The following GAK variants were observed in gnomAD, a reference collection of about 807,000 sequenced individuals.
The protein encoded by GAK is cyclin G associated kinase.
In GAK, 79 loss-of-function variants were observed where a neutral mutation model predicts 143.9. That is an observed-to-expected ratio of 0.55 (90% CI 0.46 to 0.66). The LOEUF (loss-of-function observed/expected upper bound fraction) is 0.66, where lower values mean the gene tolerates loss of function less well. GAK is among the 30% of genes least tolerant of loss of function. GAK has a pLI of 0.00. For synonymous variants in GAK, 881 were observed against 765.5 expected, an observed-to-expected ratio of 1.15 and a Z score of -2.49; for missense variants, 1,693 against 1,779.7, an observed-to-expected ratio of 0.95 and a Z score of 0.88.
In GAK at chr4:884,392, G is replaced by A; in HGVS notation, c.1206-306C>T. 1.7e-5 allele frequency: 6 copies of A among 359,914 alleles called. No homozygotes were observed. The South Asian group carries it at 1.9e-4, about 11-fold the overall frequency. 22.3% of individuals were successfully genotyped at this position (359,914 alleles called of 1,614,324 possible). On this transcript the variant is annotated intron_variant, in intron 11 of 27. Coordinates refer to ENST00000314167, the MANE Select transcript of GAK (RefSeq NM_005255.4). ...CCCCTGCGCTCTCCAGGGAGGCACG[G>A]CCCAGGAGTGGGCTGGGAGAGGGAT...
At chr4:852,220 G>C (rs1748293856) in intron 24 of GAK, 2 of 578,308 alleles carry the variant, frequency 3.5e-6, no homozygotes, top group African/African-American at 1.9e-5. Context: ...GGACAGGGCA[G>C]CTGTGGAGGC....
intron 11 of GAK, among the ~76,000 whole-genome samples, chr4:885,375 A>G (rs927990313): frequency 5.3e-5 from 8 of 152,228 alleles, no homozygotes; most frequent in Non-Finnish European, 1.0e-4. Flanking sequence ...TGGGAGTTTG[A>G]GACCAGCCTG....
In GAK at chr4:850,922, G is replaced by GCCCA. The variant is rs1748029057; in HGVS notation, c.3657+10_3657+13dup. On this transcript the variant is annotated intron_variant, in intron 26 of 27. Coordinates refer to ENST00000314167, the MANE Select transcript of GAK (RefSeq NM_005255.4). ...GGCCTCTGGGCTCCCAGGAAGAGCT[G>GCCCA]CCCACCCACCCACCTTCAGCTTGAG... 6.2e-7 allele frequency: 1 copy of GCCCA among 1,608,720 alleles called. No homozygotes were observed. Among genetic ancestry groups the GCCCA allele is most frequent in the South Asian group, 1.1e-5 (1 of 90,838 alleles).
At chr4:926,684 G>C (rs571193726) in intron 1 of GAK, among the ~76,000 whole-genome samples, 2 of 152,298 alleles carry the variant, frequency 1.3e-5, no homozygotes, top group African/African-American at 4.8e-5. Context: ...TGATGATCAA[G>C]CTGTCAACTT....
intron 24 of GAK, among the ~76,000 whole-genome samples, chr4:857,346 A>C (rs917056148): frequency 6.6e-6 from 1 of 152,170 alleles, no homozygotes; most frequent in Non-Finnish European, 1.5e-5. Context: ...ATCAATTAGA[A>C]AGTGCTCCGT....
chr4:849,581 CT>C lies in GAK; in HGVS notation c.*91del. ...CGGAGCCCCACCCTGGCCACACCTG[CT>C]GTCGCCCACGGGGTCCTCACGGTGG... On this transcript the variant is annotated 3_prime_UTR_variant, in exon 28 of 28. Coordinates refer to ENST00000314167, the MANE Select transcript of GAK (RefSeq NM_005255.4). 2 of 973,196 alleles carry C rather than the reference CT, an allele frequency of 2.1e-6. No homozygotes were observed. The highest frequency in any genetic ancestry group is 1.6e-6 in the Non-Finnish European group (1 of 625,100). 60.3% of individuals were successfully genotyped at this position (973,196 alleles called of 1,614,324 possible).
rs748695562 is a variant in GAK at position 851,455 on chromosome 4, C to T, written c.3508+295G>A. On this transcript the variant is annotated intron_variant, in intron 25 of 27. Coordinates refer to ENST00000314167, the MANE Select transcript of GAK (RefSeq NM_005255.4). ...CAATTCCACCTGCTGCCCCCGGGAACAGGGCTACCATCCTGATGCCTCCAG... is the reference window on the plus strand; with the variant it reads ...CAATTCCACCTGCTGCCCCCGGGAATAGGGCTACCATCCTGATGCCTCCAG... 6.1e-4 allele frequency: 324 copies of T among 529,348 alleles called. 2 individuals carry two copies. The highest frequency in any genetic ancestry group is 8.6e-4 in the Non-Finnish European group (257 of 297,140). The allele number at this position is 529,348 out of a possible 1,614,324, so 32.8% of individuals were successfully genotyped here.
At chr4:856,680 C>G (rs1325898910) in intron 24 of GAK, among the ~76,000 whole-genome samples, 2 of 150,544 alleles carry the variant, frequency 1.3e-5, no homozygotes, top group Non-Finnish European at 3.0e-5. Context: ...GCTGCTCACA[C>G]CTGCTCACCA....
intron 4 of GAK, among the ~76,000 whole-genome samples, chr4:909,066 C>T (rs1387285920): frequency 6.6e-6 from 1 of 152,180 alleles, no homozygotes; most frequent in African/African-American, 2.4e-5. Flanking sequence ...AGGCTAGTCT[C>T]GAACTCCTCA....
intron 4 of GAK, among the ~76,000 whole-genome samples, chr4:908,949 C>G (rs914072589): frequency 3.9e-5 from 6 of 152,206 alleles, no homozygotes; most frequent in Non-Finnish European, 8.8e-5. Context: ...AAGCAACTCT[C>G]CTGCCTCAGC....
At chr4:866,750 T>C (rs1449719143) in intron 21 of GAK, among the ~76,000 whole-genome samples, 1 of 152,116 alleles carries the variant, frequency 6.6e-6, no homozygotes, top group Non-Finnish European at 1.5e-5. Flanking sequence ...ACTGCTGAGA[T>C]GGAGAAGCCA....
chr4:903,799 C>T (rs1011852444), intron 5 of GAK, among the ~76,000 whole-genome samples: 5 of 152,018 alleles, frequency 3.3e-5, no homozygotes, highest in Admixed American at 2.6e-4. Flanking sequence ...CAGCTCCCCA[C>T]GGAAACTGGA....
chr4:899,512 C>A (rs1031538536), intron 5 of GAK, among the ~76,000 whole-genome samples: 1 of 152,186 alleles, frequency 6.6e-6, no homozygotes, highest in African/African-American at 2.4e-5. Context: ...TGGGCTCACA[C>A]AGGCAGCGAG....
At chr4:866,932 C>T (rs553049253) in intron 21 of GAK, 24 bp downstream of exon 21, 30 of 1,422,998 alleles carry the variant, frequency 2.1e-5, no homozygotes, top group East Asian at 9.5e-5. Flanking sequence ...TGAAGCCACT[C>T]GCCTTCAGAA....
In GAK at chr4:925,317, A is replaced by G. The variant is rs1724540463; in HGVS notation, c.145+6726T>C. Among the ~76,000 whole-genome samples, 3 of 152,116 alleles carry G rather than the reference A, an allele frequency of 2.0e-5. No individual in the cohort carries two copies. In the South Asian group the frequency reaches 6.2e-4, roughly 32 times the overall value. ...GAGCAGAGCTGGGCAACCTTCCCCCACACAGCCCACCAGCGTCCATGCAAA... is the reference window on the plus strand; with the variant it reads ...GAGCAGAGCTGGGCAACCTTCCCCCGCACAGCCCACCAGCGTCCATGCAAA... On this transcript the variant is annotated intron_variant, in intron 1 of 27. Coordinates refer to ENST00000314167, the MANE Select transcript of GAK (RefSeq NM_005255.4).
At chr4:855,861 G>A (rs1016844018) in intron 24 of GAK, among the ~76,000 whole-genome samples, 4 of 152,146 alleles carry the variant, frequency 2.6e-5, no homozygotes, top group East Asian at 1.9e-4. Context: ...AGGCTGAGGC[G>A]GGAGAATTGC....
At chr4:914,608 C>A in intron 1 of GAK, among the ~76,000 whole-genome samples, 1 of 124,452 alleles carries the variant, frequency 8.0e-6, no homozygotes. Context: ...ACACATAGCC[C>A]CAGCGTACAC....
chr4:873,576 T>G (rs1713169701), intron 18 of GAK, among the ~76,000 whole-genome samples: 1 of 152,098 alleles, frequency 6.6e-6, no homozygotes, highest in Non-Finnish European at 1.5e-5. Context: ...CGTGGGCCTG[T>G]CAACTTCACC....
chr4:856,367 GCTGCTCACCACA>G (rs1356474689), intron 24 of GAK, among the ~76,000 whole-genome samples: 6 of 68,388 alleles, frequency 8.8e-5, no homozygotes, highest in African/African-American at 4.5e-4. Context: ...GCTCACCACA[GCTGCTCACCACA>G]GCTGCTCACA....
Sources: allele counts gnomAD v4.1 joint callset (sites outside exome capture counted in the v4.1 genomes callset), GRCh38; gene constraint gnomAD v4.1.1; transcripts MANE v1.5; gene names NCBI Gene and HGNC (gene_info 2026-07-23, HGNC 2026-07-21).